Variants in CSMD1 observed in about 807,000 individuals in gnomAD.
The protein encoded by CSMD1 is CUB and Sushi multiple domains 1.
A neutral mutation model predicts 417.5 loss-of-function variants in CSMD1; 213 were observed. The observed-to-expected ratio is 0.51, with a 90% CI of 0.46 to 0.57. CSMD1 has a LOEUF of 0.57. Ranked by LOEUF, CSMD1 falls within the 20% of genes least tolerant of loss-of-function variation. The probability of loss-of-function intolerance (pLI) is 0.00; values close to 1 mark genes in which losing one functional copy is unlikely to be tolerated. For synonymous variants in CSMD1, 2,862 were observed against 1,736.8 expected (o/e 1.65, Z -16.11); for missense variants, 6,923 against 4,529.7 (o/e 1.53, Z -15.17).
chr8:3,401,738 C>G (rs958834745), intron 15 of CSMD1, among the ~76,000 whole-genome samples: 1 of 152,002 alleles, frequency 6.6e-6, no homozygotes, highest in South Asian at 2.1e-4. Flanking sequence ...AGACGCTGAC[C>G]CAGAAGTTGA....
At chr8:4,383,484 C>T (rs1255274110) in intron 3 of CSMD1, among the ~76,000 whole-genome samples, 1 of 152,136 alleles carries the variant, frequency 6.6e-6, no homozygotes, top group African/African-American at 2.4e-5. Flanking sequence ...AGTGATCTGT[C>T]GTCTGTAATT....
At chr8:4,971,555 C>G (rs1810237582) in intron 1 of CSMD1, among the ~76,000 whole-genome samples, 1 of 151,802 alleles carries the variant, frequency 6.6e-6, no homozygotes, top group South Asian at 2.1e-4. Context: ...AGTTTTAAGC[C>G]AGAAATATAT....
intron 3 of CSMD1, among the ~76,000 whole-genome samples, chr8:4,350,639 G>A (rs1230883127): frequency 6.6e-6 from 1 of 152,118 alleles, no homozygotes; most frequent in African/African-American, 2.4e-5. Flanking sequence ...CTAGAGAATT[G>A]CGAGTTGACT....
chr8:4,191,981 TC>T (rs1384243485), intron 3 of CSMD1, among the ~76,000 whole-genome samples: 1 of 152,106 alleles, frequency 6.6e-6, no homozygotes, highest in Non-Finnish European at 1.5e-5. Context: ...GAGGAACACG[TC>T]CCTAAGGATT....
At chr8:3,290,276 G>C (rs1441262628) in intron 25 of CSMD1, among the ~76,000 whole-genome samples, 2 of 147,132 alleles carry the variant, frequency 1.4e-5, no homozygotes, top group Admixed American at 6.7e-5. Flanking sequence ...CTCCAGCTTT[G>C]TTCTTTTGGC....
intron 26 of CSMD1, among the ~76,000 whole-genome samples, chr8:3,277,515 C>G (rs1020768463): frequency 6.6e-6 from 1 of 152,026 alleles, no homozygotes; most frequent in African/African-American, 2.4e-5. Context: ...GTTGGATTCT[C>G]TGTGTGGTGT....
At chr8:3,968,131 G>C (rs1042672821) in intron 5 of CSMD1, among the ~76,000 whole-genome samples, 3 of 151,584 alleles carry the variant, frequency 2.0e-5, no homozygotes, top group African/African-American at 7.3e-5. Context: ...AGCTTGCAGT[G>C]AGCCGAGATC....
chr8:3,141,412 C>T (rs1022465613), intron 41 of CSMD1, among the ~76,000 whole-genome samples: 9 of 152,162 alleles, frequency 5.9e-5, no homozygotes, highest in Non-Finnish European at 8.8e-5. Context: ...GACTCTGAAA[C>T]AAAATTGATC....
intron 8 of CSMD1, among the ~76,000 whole-genome samples, chr8:3,589,752 T>C (rs1289333670): frequency 6.6e-6 from 1 of 152,186 alleles, no homozygotes; most frequent in Non-Finnish European, 1.5e-5. Context: ...ATTTTGAAAG[T>C]TGTCACCATG....
intron 1 of CSMD1, among the ~76,000 whole-genome samples, chr8:4,785,658 G>T (rs142749298): frequency 3.8e-4 from 58 of 152,222 alleles, no homozygotes; most frequent in African/African-American, 1.3e-3. Context: ...TTTGCTTTTA[G>T]AGAAAAATAC....
intron 3 of CSMD1, among the ~76,000 whole-genome samples, chr8:4,247,043 A>G (rs1018479597): frequency 6.6e-6 from 1 of 152,198 alleles, no homozygotes; most frequent in East Asian, 1.9e-4. Flanking sequence ...TCAAAACCTT[A>G]AAATATAAAG....
intron 1 of CSMD1, among the ~76,000 whole-genome samples, chr8:4,762,741 T>G (rs1015582190): frequency 6.6e-6 from 1 of 152,082 alleles, no homozygotes; most frequent in Non-Finnish European, 1.5e-5. Context: ...TCCATCTCAA[T>G]TCAGTGCTCC....
intron 52 of CSMD1, among the ~76,000 whole-genome samples, chr8:3,014,413 C>T (rs557427385): frequency 6.6e-6 from 1 of 152,132 alleles, no homozygotes. Context: ...TCTTTTCCTG[C>T]TTTTCCTGTT....
chr8:3,831,356 A>G (rs541458379), intron 5 of CSMD1, among the ~76,000 whole-genome samples: 8 of 152,166 alleles, frequency 5.3e-5, no homozygotes, highest in Non-Finnish European at 4.4e-5. Flanking sequence ...TATTAACAGC[A>G]CTTGCAAACT....
At chr8:4,423,354 C>T (rs545747674) in intron 2 of CSMD1, among the ~76,000 whole-genome samples, 3 of 152,166 alleles carry the variant, frequency 2.0e-5, no homozygotes, top group Admixed American at 2.0e-4. Context: ...TACTTGATAT[C>T]ATCAAACGTG....
intron 5 of CSMD1, among the ~76,000 whole-genome samples, chr8:3,910,559 G>C (rs1808398755): frequency 6.6e-6 from 1 of 152,190 alleles, no homozygotes. Context: ...AATAACTTGA[G>C]CAGACAGTAT....
intron 3 of CSMD1, among the ~76,000 whole-genome samples, chr8:4,344,110 G>C (rs528638850): frequency 2.0e-5 from 3 of 152,154 alleles, no homozygotes; most frequent in African/African-American, 7.2e-5. Flanking sequence ...TCGAGTAAAA[G>C]GCCTATTCAA....
At position 3,265,027 on chromosome 8, in the gene CSMD1, A is replaced by G. The variant is rs777464532; in HGVS notation, c.4153+19117T>C. Among the ~76,000 whole-genome samples the G allele has an allele frequency of 2.0e-5, 3 of 152,310 alleles. No individual in the cohort carries two copies. In the Middle Eastern group the frequency reaches 0.01, roughly 518 times the overall value. On this transcript the variant is annotated intron_variant, in intron 26 of 69. Transcript: ENST00000635120. ...AACCACCTCTGTGAGAATTTAAATTATATGGGAAAAGCATCTTTAGGGCAC... is the reference window on the plus strand; with the variant it reads ...AACCACCTCTGTGAGAATTTAAATTGTATGGGAAAAGCATCTTTAGGGCAC...
chr8:4,865,996 G>A (rs1272922585), intron 1 of CSMD1, among the ~76,000 whole-genome samples: 1 of 151,778 alleles, frequency 6.6e-6, no homozygotes, highest in Non-Finnish European at 1.5e-5. Flanking sequence ...TAACTTAATA[G>A]CAACATCTAA....
Sources: allele counts gnomAD v4.1 joint callset (sites outside exome capture counted in the v4.1 genomes callset), GRCh38; gene constraint gnomAD v4.1.1; transcripts MANE v1.5; gene names NCBI Gene and HGNC (gene_info 2026-07-23, HGNC 2026-07-21).